CSE1L: variants seen among roughly 807,000 people sequenced by gnomAD.
CSE1L encodes exportin-2.
Under a neutral mutation model 120.4 loss-of-function variants are expected in CSE1L, and 24 were observed. The observed-to-expected ratio is 0.20, with a 90% CI of 0.14 to 0.28. The LOEUF is 0.28. Among genes scored for constraint, CSE1L ranks in the 10% least tolerant of loss-of-function variants. CSE1L has a pLI of 1.00. For synonymous variants in CSE1L, 402 were observed against 398.3 expected, an observed-to-expected ratio of 1.01 and a Z score of -0.11; for missense variants, 830 against 1,145.2, an observed-to-expected ratio of 0.72 and a Z score of 3.97.
intron 6 of CSE1L, among the ~76,000 whole-genome samples, chr20:49,068,245 A>G (rs753947414): frequency 6.6e-6 from 1 of 152,180 alleles, no homozygotes; most frequent in Non-Finnish European, 1.5e-5. Context: ...GAACAGTTCA[A>G]AAATACATAC....
chr20:49,054,568 G>C (rs901543578), intron 1 of CSE1L, among the ~76,000 whole-genome samples: 1 of 152,142 alleles, frequency 6.6e-6, no homozygotes, highest in Non-Finnish European at 1.5e-5. Context: ...ATGTCAACCT[G>C]AGTGCCCTTC....
At chr20:49,062,739 A>G (rs1366779457) in intron 2 of CSE1L, among the ~76,000 whole-genome samples, 1 of 151,912 alleles carries the variant, frequency 6.6e-6, no homozygotes, top group Non-Finnish European at 1.5e-5. Flanking sequence ...CATATATAAT[A>G]TATATGTAAA....
chr20:49,085,221 G>A, intron 15 of CSE1L, 62 bp from the exon 16 acceptor site: 1 of 1,237,126 alleles, frequency 8.1e-7, no homozygotes, highest in South Asian at 1.2e-5. Context: ...GGTTGCCAAG[G>A]GTAATCTGCA....
At chr20:49,049,179 A>ATCAC (rs1291277069) in intron 1 of CSE1L, among the ~76,000 whole-genome samples, 1 of 152,024 alleles carries the variant, frequency 6.6e-6, no homozygotes, top group Non-Finnish European at 1.5e-5. Context: ...AAAGAAAAGT[A>ATCAC]TCACCCCCTC....
rs1480234334 is a variant in CSE1L at position 49,094,813 on chromosome 20, C to T, written c.2676C>T (p.Asp892=). The change falls in exon 24 of 25, where the codon GAC becomes GAT. Residue 892 remains aspartate, a synonymous_variant. Transcript: ENST00000262982. ...DTIPDEEHFI[D]IEDTPGYQTA... is the part of the protein sequence containing the mutation. ...TTCCTGATGAGGAACATTTTATTGA[C>T]ATAGAAGATACACCAGGATATCAGA... is the stretch of plus-strand genomic sequence containing the variant. 1.9e-6 allele frequency: 3 copies of T among 1,613,780 alleles called. No individual in the cohort carries two copies. Among genetic ancestry groups the T allele is most frequent in the South Asian group, 2.2e-5 (2 of 91,074 alleles).
At chr20:49,084,852 A>G (rs758327962) in intron 15 of CSE1L, among the ~76,000 whole-genome samples, 17 of 152,180 alleles carry the variant, frequency 1.1e-4, no homozygotes, top group African/African-American at 1.7e-4. Flanking sequence ...TCAGTGGCCA[A>G]TTAAGGGTAG....
intron 12 of CSE1L, 102 bp from the exon 13 acceptor site, chr20:49,076,878 A>AAT (rs2091972707): frequency 1.5e-6 from 1 of 662,628 alleles, no homozygotes; most frequent in Non-Finnish European, 2.5e-6. Flanking sequence ...TGAAGTGTTC[A>AAT]TCTCCATTTT....
intron 11 of CSE1L, 126 bp downstream of exon 11, chr20:49,074,976 A>G: frequency 1.5e-6 from 1 of 658,934 alleles, no homozygotes; most frequent in South Asian, 2.2e-5. Flanking sequence ...TTCATTGAGA[A>G]CTGTTGTCTT....
At chr20:49,068,619 T>C in intron 6 of CSE1L, 96 bp from the exon 7 acceptor site, 1 of 803,616 alleles carries the variant, frequency 1.2e-6, no homozygotes, top group Non-Finnish European at 2.1e-6. Context: ...ATAAGTAAAA[T>C]ATGAATAGTC....
chr20:49,089,238 T>A lies in CSE1L; in HGVS notation c.1822-9T>A, dbSNP rs75850520. On this transcript the variant is annotated splice_polypyrimidine_tract_variant and intron_variant, in intron 17 of 24. Coordinates refer to ENST00000262982, the MANE Select transcript of CSE1L (RefSeq NM_001316.4). ...TTAGCATAATTAGGTTTTTTTTTTT[T>A]AATTTCAGAACCCAAGCAAACCTCA... 1.9e-4 allele frequency: 291 copies of A among 1,542,588 alleles called. No individual in the cohort carries two copies. The highest frequency in any genetic ancestry group is 1.8e-3 in the African/African-American group (125 of 68,974).
rs368416226 is a variant in CSE1L at position 49,068,698 on chromosome 20, C to G, written c.568-17C>G. 1,763 of 1,572,280 alleles carry G rather than the reference C, an allele frequency of 1.1e-3. 3 individuals are homozygous for G. The highest frequency in any genetic ancestry group is 1.4e-3 in the Non-Finnish European group (1,645 of 1,142,136). On this transcript the variant is annotated splice_polypyrimidine_tract_variant and intron_variant, in intron 6 of 24. Transcript: ENST00000262982. Reference sequence around the variant, plus strand: ...TTTATGATGCACTAAAACCATGTTGCTAAATTCCTTTCCAAGGCCACTATT... The same window carrying G: ...TTTATGATGCACTAAAACCATGTTGGTAAATTCCTTTCCAAGGCCACTATT...
Position 49,075,351 on chromosome 20 carries a change from T to G in CSE1L, c.1166T>G (p.Leu389Arg). 1 of 1,614,112 alleles carries G rather than the reference T, an allele frequency of 6.2e-7. No individual in the cohort carries two copies. The highest frequency in any genetic ancestry group is 8.5e-7 in the Non-Finnish European group (1 of 1,179,992). ...IDTRRRAACD[L>R]VRGLCKFFEG... ...ACTAGACGCAGGGCTGCTTGTGATCTGGTACGAGGATTATGCAAGTTTTTT... is the reference window on the plus strand; with the variant it reads ...ACTAGACGCAGGGCTGCTTGTGATCGGGTACGAGGATTATGCAAGTTTTTT... The change falls in exon 12 of 25, where the codon CTG becomes CGG. Residue 389 changes from leucine to arginine, a missense_variant. By Grantham distance (102) the Leu-to-Arg change is moderately radical (BLOSUM62 -2). Around this residue, in one of 4 missense-constraint regions of CSE1L, gnomAD observed 543 missense variants for 640.2 expected, o/e 0.85. Coordinates refer to ENST00000262982, the MANE Select transcript of CSE1L (RefSeq NM_001316.4).
At position 49,096,734 on chromosome 20, in the gene CSE1L, G is replaced by C; in HGVS notation, c.*296G>C. 1 of 327,196 alleles carries C rather than the reference G, an allele frequency of 3.1e-6. No homozygotes were observed. The allele number at this position is 327,196 out of a possible 1,614,324, so 20.3% of individuals were successfully genotyped here. On this transcript the variant is annotated 3_prime_UTR_variant, in exon 25 of 25. Transcript: ENST00000262982. ...CACGGTTTGGATAATCTTAAATTTT[G>C]ACGGACACTGTGGAGACTTTCTGTT...
chr20:49,091,986 T>A, intron 21 of CSE1L, 60 bp from the exon 22 acceptor site: 1 of 884,788 alleles, frequency 1.1e-6, no homozygotes, highest in Non-Finnish European at 1.8e-6. Context: ...TGCAGACTTA[T>A]CAGTTACCAG....
intron 16 of CSE1L, among the ~76,000 whole-genome samples, chr20:49,087,164 T>C (rs183263155): frequency 2.6e-5 from 4 of 152,298 alleles, no homozygotes; most frequent in South Asian, 4.1e-4. Context: ...TTATGGTCTT[T>C]TGAGCAATAT....
chr20:49,065,146 A>G (rs1305884358), intron 3 of CSE1L, among the ~76,000 whole-genome samples: 2 of 119,168 alleles, frequency 1.7e-5, no homozygotes, highest in African/African-American at 3.6e-5. Flanking sequence ...TGACAGATGG[A>G]AACCCAGTCT....
intron 14 of CSE1L, among the ~76,000 whole-genome samples, chr20:49,080,551 A>C (rs1001311984): frequency 3.3e-5 from 5 of 152,170 alleles, no homozygotes; most frequent in Non-Finnish European, 7.3e-5. Flanking sequence ...ATCTCGGCTC[A>C]CCGCAACATG....
chr20:49,088,387 C>G (rs1400390045), intron 17 of CSE1L, among the ~76,000 whole-genome samples: 3 of 152,140 alleles, frequency 2.0e-5, no homozygotes, highest in African/African-American at 7.2e-5. Context: ...TCCAAAATTA[C>G]CTTAAATGGA....
chr20:49,059,089 C>T (rs567298109), intron 2 of CSE1L, among the ~76,000 whole-genome samples: 2 of 151,374 alleles, frequency 1.3e-5, no homozygotes, highest in South Asian at 2.1e-4. Flanking sequence ...CGAGATTGCG[C>T]CACTGCACTC....
Sources: allele counts gnomAD v4.1 joint callset (sites outside exome capture counted in the v4.1 genomes callset), GRCh38; gene constraint gnomAD v4.1.1; regional missense constraint gnomAD v4.1.1; transcripts MANE v1.5; gene names NCBI Gene and HGNC (gene_info 2026-07-23, HGNC 2026-07-21).